EDEM1: variants seen among roughly 807,000 people sequenced by gnomAD.
EDEM1 encodes the protein ER degradation-enhancing alpha-mannosidase-like protein 1.
EDEM1 carries 67 observed loss-of-function variants against 74.4 expected under a neutral mutation model. That is an observed-to-expected ratio of 0.90 (90% CI 0.74 to 1.10). The LOEUF is 1.10. Ranked by LOEUF, EDEM1 falls within the 50% of genes least tolerant of loss-of-function variation. The probability of loss-of-function intolerance (pLI) is 0.00; values close to 1 mark genes in which losing one functional copy is unlikely to be tolerated. For missense variants in EDEM1, 926 were observed against 851.6 expected, an observed-to-expected ratio of 1.09 and a Z score of -1.09; for synonymous variants, 382 against 335.9, an observed-to-expected ratio of 1.14 and a Z score of -1.50.
Position 5,204,775 on chromosome 3 carries a change from G to A in EDEM1, c.1043-292G>A, listed in dbSNP as rs181586263. Reference sequence around the variant, plus strand: ...GTTAAAGTCTGTGAAAAACTCTTGGGTTTTGAAATGCATCGTCAATCTGGA... The same window carrying A: ...GTTAAAGTCTGTGAAAAACTCTTGGATTTTGAAATGCATCGTCAATCTGGA... On this transcript the variant is annotated intron_variant, in intron 5 of 11. Transcript: ENST00000256497. 3.1e-3 allele frequency among the ~76,000 whole-genome samples: 477 copies of A among 152,252 alleles called. 1 individual carries two copies. The highest frequency in any genetic ancestry group is 6.8e-3 in the Middle Eastern group (2 of 294).
chr3:5,208,377 C>CT, intron 8 of EDEM1, 114 bp downstream of exon 8: 1 of 1,263,186 alleles, frequency 7.9e-7, no homozygotes. Flanking sequence ...CATAGTGACT[C>CT]TGATTGAGTT....
Position 5,208,262 on chromosome 3 carries a change from A to G in EDEM1, c.1508A>G (p.Gln503Arg), listed in dbSNP as rs983111387. The G allele has an allele frequency of 3.7e-6, 6 of 1,601,902 alleles. No individual in the cohort carries two copies. The highest frequency in any genetic ancestry group is 3.5e-5 in the Admixed American group (2 of 57,596). Residue 503 changes from glutamine to arginine, a missense_variant and splice_region_variant, in exon 8 of 12, where the codon CAG becomes CGG. Physicochemically the swap from Gln to Arg is conservative, Grantham distance 43. Coordinates refer to ENST00000256497, the MANE Select transcript of EDEM1 (RefSeq NM_014674.3). ...ELVESTYLLY[Q>R]ATKNPFYLHV... ...GTGGAATCCACATATCTCCTCTACC[A>G]GGTACTAGAGTTGTGTTTTTTTTTT...
At chr3:5,199,168 C>T (rs766576948) in intron 2 of EDEM1, among the ~76,000 whole-genome samples, 1 of 152,218 alleles carries the variant, frequency 6.6e-6, no homozygotes, top group African/African-American at 2.4e-5. Context: ...GGGAGCCAAG[C>T]ACCCAAGCTG....
rs774174558 is a variant in EDEM1, at chr3:5,208,177, A to G, written c.1423A>G (p.Arg475Gly). Residue 475 changes from arginine to glycine, a missense_variant, in exon 8 of 12, where the codon AGA (arginine) becomes GGA (glycine). Coordinates refer to ENST00000256497, the MANE Select transcript of EDEM1 (RefSeq NM_014674.3). ...IWKRYGALPE[R>G]YNWQLQAPDV... ...GAAACGATATGGTGCCCTCCCTGAG[A>G]GATATAACTGGCAGCTGCAGGCCCC... The G allele has an allele frequency of 6.2e-7, 1 of 1,613,398 alleles. No homozygotes were observed. Among genetic ancestry groups the G allele is most frequent in the Non-Finnish European group, 8.5e-7 (1 of 1,179,830 alleles).
At chr3:5,213,215 G>C (rs2055188582) in intron 10 of EDEM1, 104 bp from the exon 11 acceptor site, 1 of 1,156,186 alleles carries the variant, frequency 8.6e-7, no homozygotes, top group East Asian at 2.6e-5. Flanking sequence ...AGAAGCATGA[G>C]GCCCAAGCAA....
chr3:5,211,002 T>A, intron 9 of EDEM1, 118 bp from the exon 10 acceptor site: 5 of 905,152 alleles, frequency 5.5e-6, no homozygotes, highest in Non-Finnish European at 8.5e-6. Context: ...GTAAACATAG[T>A]TTCATATGGT....
At position 5,202,997 on chromosome 3, in the gene EDEM1, C is replaced by G; in HGVS notation, c.890C>G (p.Thr297Ser). 6.2e-7 allele frequency: 1 copy of G among 1,613,752 alleles called. No homozygotes were observed. The highest frequency in any genetic ancestry group is 8.5e-7 in the Non-Finnish European group (1 of 1,179,838). The change falls in exon 5 of 12, where the codon ACC becomes AGC. Residue 297 changes from threonine to serine, a missense_variant. Transcript: ENST00000256497. ...VNLKTGVPPDTNNETCTAGAG... is the reference protein window; with the variant it reads ...VNLKTGVPPDSNNETCTAGAG... ...CTAAAGACAGGAGTTCCTCCTGACA[C>G]CAATAATGAGACATGCACAGCGGGA...
At chr3:5,209,702 A>G (rs929478949) in intron 8 of EDEM1, among the ~76,000 whole-genome samples, 10 of 152,306 alleles carry the variant, frequency 6.6e-5, no homozygotes, top group Admixed American at 2.6e-4. Flanking sequence ...TAGAAAGGAA[A>G]GGGTGGCGGC....
intron 1 of EDEM1, among the ~76,000 whole-genome samples, chr3:5,190,208 A>G (rs978232558): frequency 1.3e-5 from 2 of 152,202 alleles, no homozygotes; most frequent in Admixed American, 1.3e-4. Flanking sequence ...GTATGTGTAC[A>G]TATTTTGGAT....
chr3:5,194,312 A>G (rs2054936549), intron 1 of EDEM1, among the ~76,000 whole-genome samples: 2 of 152,072 alleles, frequency 1.3e-5, no homozygotes, highest in African/African-American at 4.8e-5. Flanking sequence ...TATTTTCTGG[A>G]TTTTTGGGAA....
chr3:5,189,006 A>G (rs534645094), intron 1 of EDEM1, among the ~76,000 whole-genome samples: 1 of 152,274 alleles, frequency 6.6e-6, no homozygotes, highest in South Asian at 2.1e-4. Context: ...CGATCTGTCT[A>G]TAAATCCCCC....
intron 9 of EDEM1, among the ~76,000 whole-genome samples, chr3:5,210,583 G>A (rs1233533443): frequency 6.6e-6 from 1 of 152,028 alleles, no homozygotes; most frequent in Admixed American, 6.6e-5. Flanking sequence ...AGAGAAAACT[G>A]TAGTCAGTAT....
intron 5 of EDEM1, among the ~76,000 whole-genome samples, chr3:5,203,672 C>T (rs544204481): frequency 6.6e-6 from 1 of 152,198 alleles, no homozygotes; most frequent in South Asian, 2.1e-4. Flanking sequence ...ATAATGACCC[C>T]TATGTACTCA....
chr3:5,219,163 C>T lies in EDEM1; in HGVS notation c.*3245C>T, dbSNP rs1459426830. ...GTTCAGTTTACTGAATGATTACCAC[C>T]TGTAATTCCTCTTTGGATTGTGTAG... On this transcript the variant is annotated 3_prime_UTR_variant, in exon 12 of 12. Coordinates refer to ENST00000256497, the MANE Select transcript of EDEM1 (RefSeq NM_014674.3). 3 of 152,184 alleles carry T rather than the reference C, an allele frequency of 2.0e-5. No homozygotes were observed. The highest frequency in any genetic ancestry group is 4.4e-5 in the Non-Finnish European group (3 of 68,040). The allele number at this position is 152,184 out of a possible 1,614,324, so 9.4% of individuals were successfully genotyped here.
intron 10 of EDEM1, among the ~76,000 whole-genome samples, chr3:5,212,365 C>T (rs2055177834): frequency 6.6e-6 from 1 of 152,208 alleles, no homozygotes; most frequent in African/African-American, 2.4e-5. Flanking sequence ...TTCTTGCTCT[C>T]CTTGCAGGTG....
intron 2 of EDEM1, among the ~76,000 whole-genome samples, chr3:5,198,675 T>C (rs1352859612): frequency 2.7e-5 from 4 of 150,730 alleles, no homozygotes; most frequent in Non-Finnish European, 5.9e-5. Context: ...TTTTTTTTTT[T>C]TTTTTTTTTG....
intron 11 of EDEM1, 76 bp downstream of exon 11, chr3:5,213,598 T>TC: frequency 7.1e-7 from 1 of 1,402,634 alleles, no homozygotes; most frequent in South Asian, 1.4e-5. Flanking sequence ...TGTTCAGACT[T>TC]CCTGACAGAA....
At chr3:5,197,940 T>C (rs919716097) in intron 2 of EDEM1, among the ~76,000 whole-genome samples, 8 of 152,164 alleles carry the variant, frequency 5.3e-5, no homozygotes, top group African/African-American at 1.9e-4. Flanking sequence ...ATGTGTAAGA[T>C]GTACATTGGT....
chr3:5,197,128 G>C (rs1575585617), intron 2 of EDEM1, among the ~76,000 whole-genome samples: 1 of 130,424 alleles, frequency 7.7e-6, no homozygotes, highest in Admixed American at 8.4e-5. Flanking sequence ...CTATTCTGTT[G>C]TTCACCATAC....
Sources: gnomAD v4.1 joint callset for allele counts (sites outside exome capture counted in the v4.1 genomes callset) on GRCh38, gnomAD v4.1.1 for gene constraint, MANE v1.5 for transcripts, NCBI Gene and HGNC (gene_info 2026-07-23, HGNC 2026-07-21) for gene names.